TIAM1: variants seen among roughly 807,000 people sequenced by gnomAD.
The protein encoded by TIAM1 is TIAM Rac1 associated GEF 1.
In TIAM1, 65 loss-of-function variants were observed where a neutral mutation model predicts 163.5. The ratio of observed to expected loss-of-function variants is 0.40; its 90% confidence interval spans 0.33 to 0.49. TIAM1 has a LOEUF of 0.49. Ranked by LOEUF, TIAM1 falls within the 20% of genes least tolerant of loss-of-function variation. The pLI, the probability that TIAM1 is intolerant of heterozygous loss-of-function variation, is 0.77. For synonymous variants in TIAM1, 833 were observed against 810.1 expected (o/e 1.03, Z -0.48); for missense variants, 1,789 against 2,044.7 (o/e 0.87, Z 2.41).
intron 5 of TIAM1, 51 bp from the exon 6 acceptor site, chr21:31,245,711 A>G (rs2071467198): frequency 7.4e-7 from 1 of 1,351,344 alleles, no homozygotes; most frequent in Non-Finnish European, 9.6e-7. Context: ...TTGGGAAACA[A>G]AAGAACCCAC....
At chr21:31,371,871 T>G (rs1341205090) in intron 2 of TIAM1, among the ~76,000 whole-genome samples, 1 of 152,190 alleles carries the variant, frequency 6.6e-6, no homozygotes, top group Non-Finnish European at 1.5e-5. Context: ...TCAGCCCGGC[T>G]GAGTCAAAGG....
intron 26 of TIAM1, among the ~76,000 whole-genome samples, chr21:31,126,655 G>C (rs1191000081): frequency 6.6e-6 from 1 of 152,022 alleles, no homozygotes; most frequent in Admixed American, 6.6e-5. Flanking sequence ...GCCATCTGTT[G>C]GAGTCATCTA....
At chr21:31,202,327 G>A (rs1347010455) in intron 12 of TIAM1, among the ~76,000 whole-genome samples, 6 of 152,010 alleles carry the variant, frequency 3.9e-5, no homozygotes, top group Middle Eastern at 3.4e-3. Flanking sequence ...TGAGGTGGGA[G>A]GATCACTTGA....
intron 2 of TIAM1, among the ~76,000 whole-genome samples, chr21:31,406,866 C>T (rs1203510811): frequency 6.6e-6 from 1 of 152,180 alleles, no homozygotes; most frequent in Non-Finnish European, 1.5e-5. Context: ...AAAGTTTGTG[C>T]CATTAGATGA....
chr21:31,228,218 TTTAAAAAAAAA>T (rs2088116073), intron 6 of TIAM1, among the ~76,000 whole-genome samples: 1 of 19,040 alleles, frequency 5.3e-5, no homozygotes, highest in Non-Finnish European at 1.1e-4. Context: ...GCCTCCTTTT[TTTAAAAAAAAA>T]AAAAAAAAAA....
chr21:31,139,798 C>T (rs751253590), intron 22 of TIAM1, among the ~76,000 whole-genome samples: 10 of 152,178 alleles, frequency 6.6e-5, no homozygotes, highest in Non-Finnish European at 1.0e-4. Flanking sequence ...ATATCCTCTA[C>T]AGCAGACCTT....
rs775621071 is a variant in TIAM1, at chr21:31,335,807, C to T, written c.-189+3436G>A. 5.6e-4 allele frequency among the ~76,000 whole-genome samples: 85 copies of T among 152,084 alleles called. 1 individual carries two copies. Among genetic ancestry groups the T allele is most frequent in the Admixed American group, 3.3e-3 (50 of 15,270 alleles). On this transcript the variant is annotated intron_variant, in intron 2 of 27. Coordinates refer to ENST00000541036, the MANE Select transcript of TIAM1 (RefSeq NM_001353694.2). ...AAATGTCTCTGTTTATATTCACAAC[C>T]GGAGGTCAAGATGTGTGGGAACAGT...
Position 31,527,740 on chromosome 21 carries a change from T to G in TIAM1, c.-422+31187A>C, listed in dbSNP as rs528894136. On this transcript the variant is annotated intron_variant, in intron 1 of 28. Transcript: ENST00000286827. ...AAATCCTAAAATACAGATATGATCT[T>G]AAAGGCCACCAGTCCCAACCCAATG... Among the ~76,000 whole-genome samples the G allele has an allele frequency of 2.6e-5, 4 of 152,196 alleles. No homozygotes were observed. The East Asian group carries it at 7.8e-4, about 30-fold the overall frequency.
intron 19 of TIAM1, among the ~76,000 whole-genome samples, chr21:31,148,968 TTTTTG>T (rs2083260926): frequency 1.1e-4 from 3 of 26,616 alleles, no homozygotes; most frequent in African/African-American, 3.9e-4. Flanking sequence ...TTTTCTTTTT[TTTTTG>T]GTCAAATATA....
At chr21:31,407,992 A>G (rs545575974) in intron 2 of TIAM1, among the ~76,000 whole-genome samples, 34 of 152,188 alleles carry the variant, frequency 2.2e-4, no homozygotes, top group Non-Finnish European at 3.5e-4. Context: ...GACCTGTCCA[A>G]TGTGCCCACA....
intron 1 of TIAM1, among the ~76,000 whole-genome samples, chr21:31,470,989 A>G (rs1295879707): frequency 1.3e-5 from 2 of 152,170 alleles, no homozygotes; most frequent in Admixed American, 6.5e-5. Context: ...CTCCCTCTCA[A>G]CACTCAGTGA....
At chr21:31,485,882 G>T (rs565526060) in intron 1 of TIAM1, among the ~76,000 whole-genome samples, 2 of 152,152 alleles carry the variant, frequency 1.3e-5, no homozygotes, top group South Asian at 2.1e-4. Flanking sequence ...AGGCACGAAG[G>T]GGGTGAGTTC....
At chr21:31,385,945 T>C (rs1270561393) in intron 2 of TIAM1, among the ~76,000 whole-genome samples, 6 of 147,746 alleles carry the variant, frequency 4.1e-5, no homozygotes, top group Admixed American at 1.4e-4. Flanking sequence ...ATGTTATTTA[T>C]ACTGGTATTA....
At chr21:31,197,329 C>T (rs947706076) in intron 12 of TIAM1, among the ~76,000 whole-genome samples, 18 of 151,944 alleles carry the variant, frequency 1.2e-4, no homozygotes, top group Non-Finnish European at 2.4e-4. Flanking sequence ...ATGCAGAGTT[C>T]ACACATCATA....
At chr21:31,304,274 T>A (rs2074611981) in intron 2 of TIAM1, among the ~76,000 whole-genome samples, 1 of 152,018 alleles carries the variant, frequency 6.6e-6, no homozygotes. Flanking sequence ...ATAGCAACCA[T>A]GCAAATAATG....
chr21:31,537,251 G>A (rs1006028572), intron 1 of TIAM1, among the ~76,000 whole-genome samples: 9 of 152,154 alleles, frequency 5.9e-5, no homozygotes, highest in African/African-American at 2.2e-4. Flanking sequence ...TGAGTGTTTG[G>A]AGGGATAGTA....
chr21:31,392,299 G>T (rs144856218), intron 2 of TIAM1, among the ~76,000 whole-genome samples: 1 of 152,182 alleles, frequency 6.6e-6, no homozygotes, highest in African/African-American at 2.4e-5. Flanking sequence ...GGCTGGGCGC[G>T]GTGGCTCACG....
At position 31,424,349 on chromosome 21, in the gene TIAM1, C is replaced by A. The variant is rs149943232; in HGVS notation, c.-369+39634G>T. 7.1e-3 allele frequency among the ~76,000 whole-genome samples: 1,076 copies of A among 152,286 alleles called. 5 individuals carry two copies. The highest frequency in any genetic ancestry group is 0.011 in the Non-Finnish European group (769 of 68,034). ...GCTTAAGATTCAAACTCAATCACAGCTATTCACAGAAGAAAAAGGGTGGAT... is the reference window on the plus strand; with the variant it reads ...GCTTAAGATTCAAACTCAATCACAGATATTCACAGAAGAAAAAGGGTGGAT... On this transcript the variant is annotated intron_variant, in intron 2 of 28. Transcript: ENST00000286827.
intron 2 of TIAM1, among the ~76,000 whole-genome samples, chr21:31,418,214 C>T (rs1329743713): frequency 2.6e-5 from 4 of 151,764 alleles, no homozygotes; most frequent in African/African-American, 7.3e-5. Context: ...TGGTGGCACA[C>T]GCCTGTAATC....
Sources: allele counts gnomAD v4.1 joint callset (sites outside exome capture counted in the v4.1 genomes callset), GRCh38; gene constraint gnomAD v4.1.1; transcripts MANE v1.5; gene names NCBI Gene and HGNC (gene_info 2026-07-23, HGNC 2026-07-21).